RNF17: variants seen among roughly 807,000 people sequenced by gnomAD.
RNF17 encodes spermatogenesis associated 23.
Under a neutral mutation model 200.5 loss-of-function variants are expected in RNF17, and 31 were observed. The observed-to-expected ratio is 0.15, with a 90% CI of 0.12 to 0.21. RNF17 has a LOEUF of 0.21. RNF17 is among the 10% of genes least tolerant of loss of function. RNF17 has a pLI of 1.00. For missense variants in RNF17, 1,628 were observed against 1,905.1 expected (o/e 0.85, Z 2.71); for synonymous variants, 606 against 637.8 (o/e 0.95, Z 0.75).
chr13:24,825,204 A>G (rs953513046), intron 15 of RNF17, among the ~76,000 whole-genome samples: 1 of 152,158 alleles, frequency 6.6e-6, no homozygotes, highest in Non-Finnish European at 1.5e-5. Context: ...TTGGTTTGTA[A>G]TGGGTTTGGA....
upstream of RNF17, chr13:24,764,032 C>T (rs1258765857): frequency 5.4e-6 from 3 of 560,464 alleles, no homozygotes; most frequent in East Asian, 8.3e-5. Flanking sequence ...GTGGTACCTC[C>T]CAGGATAACG....
chr13:24,817,902 C>G (rs1887590348), intron 15 of RNF17, among the ~76,000 whole-genome samples: 1 of 151,872 alleles, frequency 6.6e-6, no homozygotes, highest in East Asian at 1.9e-4. Flanking sequence ...TATCCTGTCT[C>G]ATTTATTTTT....
Position 24,833,255 on chromosome 13 carries a change from C to G in RNF17, c.2482+1277C>G, listed in dbSNP as rs143082817. Reference sequence around the variant, plus strand: ...CTATTCACTGTGAGGAAACTGGAGCCTAGAAATGAATTGCTCAAAGTCATA... The same window carrying G: ...CTATTCACTGTGAGGAAACTGGAGCGTAGAAATGAATTGCTCAAAGTCATA... On this transcript the variant is annotated intron_variant, in intron 18 of 35. Transcript: ENST00000255324. Among the ~76,000 whole-genome samples, 477 of 152,138 alleles carry G rather than the reference C, an allele frequency of 3.1e-3. 2 individuals are homozygous for G. The highest frequency in any genetic ancestry group is 0.011 in the South Asian group (54 of 4,814).
chr13:24,798,861 C>T (rs1884915270), intron 11 of RNF17, among the ~76,000 whole-genome samples: 1 of 152,048 alleles, frequency 6.6e-6, no homozygotes, highest in Non-Finnish European at 1.5e-5. Flanking sequence ...AGTTCATCTT[C>T]CCTCTTCTCT....
chr13:24,792,299 T>C (rs1472563854), intron 9 of RNF17, among the ~76,000 whole-genome samples: 4 of 152,132 alleles, frequency 2.6e-5, no homozygotes, highest in African/African-American at 9.7e-5. Flanking sequence ...CTGCATGTAC[T>C]GATTACAAAT....
chr13:24,820,105 C>G (rs940330531), intron 15 of RNF17, among the ~76,000 whole-genome samples: 3 of 141,098 alleles, frequency 2.1e-5, no homozygotes, highest in Non-Finnish European at 4.6e-5. Flanking sequence ...TCTTTCTTGT[C>G]TCTTTTTTCT....
intron 6 of RNF17, among the ~76,000 whole-genome samples, chr13:24,786,353 A>G (rs1008620184): frequency 2.4e-4 from 36 of 152,122 alleles, no homozygotes; most frequent in African/African-American, 8.4e-4. Flanking sequence ...ACATTCCTCT[A>G]TATTGTATAC....
chr13:24,883,050 A>C, downstream of RNF17: 1 of 839,418 alleles, frequency 1.2e-6, no homozygotes, highest in Non-Finnish European at 2.0e-6. Flanking sequence ...GCCACAGGGT[A>C]AACTTTTATT....
intron 25 of RNF17, among the ~76,000 whole-genome samples, chr13:24,856,795 T>A (rs1430177277): frequency 6.6e-6 from 1 of 152,212 alleles, no homozygotes; most frequent in Non-Finnish European, 1.5e-5. Flanking sequence ...ACAAGTTACT[T>A]TGTTGTGTAT....
At chr13:24,793,710 A>G (rs552693891) in intron 10 of RNF17, among the ~76,000 whole-genome samples, 39 of 152,344 alleles carry the variant, frequency 2.6e-4, no homozygotes, top group African/African-American at 8.9e-4. Context: ...CATCTCTTCA[A>G]TCTTTGTTGT....
intron 27 of RNF17, 93 bp from the exon 28 acceptor site, chr13:24,862,620 A>G (rs1893211020): frequency 1.3e-6 from 1 of 745,850 alleles, no homozygotes; most frequent in Non-Finnish European, 2.4e-6. Flanking sequence ...ATCTGATATT[A>G]TTTGTTTATG....
Position 24,866,193 on chromosome 13 carries a change from T to A in RNF17, c.4151T>A (p.Ile1384Lys), listed in dbSNP as rs772424579. 5.2e-6 allele frequency: 8 copies of A among 1,552,280 alleles called. No individual in the cohort carries two copies. Among genetic ancestry groups the A allele is most frequent in the Non-Finnish European group, 7.1e-6 (8 of 1,127,548 alleles). Residue 1384 changes from isoleucine to lysine, a missense_variant, in exon 30 of 36, where the codon ATA becomes AAA. Coordinates refer to ENST00000255324, the MANE Select transcript of RNF17 (RefSeq NM_031277.3). ...DKKYEEEQWEIRFEELLSAET... is the reference protein window; with the variant it reads ...DKKYEEEQWEKRFEELLSAET... ...AAGTATGAAGAGGAACAATGGGAAA[T>A]AAGGTTTGAGGTAAGTAACAATCCA...
intron 25 of RNF17, among the ~76,000 whole-genome samples, chr13:24,857,801 G>A (rs915557013): frequency 3.9e-5 from 6 of 152,196 alleles, no homozygotes; most frequent in African/African-American, 1.4e-4. Context: ...AGGAAACTGA[G>A]GCAGGAGGAT....
chr13:24,760,204 G>A (rs1878607958), upstream of RNF17, among the ~76,000 whole-genome samples: 1 of 152,144 alleles, frequency 6.6e-6, no homozygotes, highest in Non-Finnish European at 1.5e-5. Flanking sequence ...AAGATGTAGT[G>A]ATTGAGACTC....
At chr13:24,757,119 G>A in the RNF17 span, among the ~76,000 whole-genome samples, 10 of 152,048 alleles carry the variant, frequency 6.6e-5, no homozygotes, top group South Asian at 2.1e-4. Context: ...GAACAAGAAT[G>A]AAAGCCTCGT....
At chr13:24,881,871 CATCTATATAGATAT>C, downstream of RNF17, among the ~76,000 whole-genome samples, 1 of 106,508 alleles carries the variant, frequency 9.4e-6, no homozygotes. Context: ...TATATAGATA[CATCTATATAGATAT>C]ATAGATACAT....
chr13:24,848,679 A>T (rs1453161992), intron 22 of RNF17, among the ~76,000 whole-genome samples: 2 of 152,112 alleles, frequency 1.3e-5, no homozygotes, highest in African/African-American at 4.8e-5. Context: ...ATAAATAAAA[A>T]AATCACATTG....
intron 15 of RNF17, among the ~76,000 whole-genome samples, chr13:24,812,661 T>TCC (rs1886829031): frequency 4.3e-5 from 3 of 69,168 alleles, no homozygotes; most frequent in Non-Finnish European, 8.8e-5. Context: ...CCATCTTGGC[T>TCC]CCTCCCCTCC....
intron 33 of RNF17, among the ~76,000 whole-genome samples, chr13:24,874,912 T>C (rs1244600584): frequency 1.3e-5 from 2 of 152,206 alleles, no homozygotes; most frequent in Non-Finnish European, 2.9e-5. Flanking sequence ...TTGCCTGTTC[T>C]GGGTACCTCA....
Sources: gnomAD v4.1 joint callset for allele counts (sites outside exome capture counted in the v4.1 genomes callset) on GRCh38, gnomAD v4.1.1 for gene constraint, MANE v1.5 for transcripts, NCBI Gene and HGNC (gene_info 2026-07-23, HGNC 2026-07-21) for gene names.